Variants in TAFA5 observed in about 807,000 individuals in gnomAD.
TAFA5 encodes the protein chemokine-like protein TAFA-5.
Under a neutral mutation model 15.3 loss-of-function variants are expected in TAFA5, and 6 were observed. The observed-to-expected ratio is 0.39, with a 90% CI of 0.21 to 0.77. The LOEUF is 0.77. Ranked by LOEUF, TAFA5 falls within the 30% of genes least tolerant of loss-of-function variation. The pLI is 0.41. For synonymous variants in TAFA5, 103 were observed against 80.7 expected (o/e 1.28, Z -1.48); for missense variants, 161 against 193.1 (o/e 0.83, Z 0.98).
chr22:48,513,032 G>T lies in TAFA5; in HGVS notation c.112+23328G>T, dbSNP rs575362826. On this transcript the variant is annotated intron_variant, in intron 1 of 3. Coordinates refer to ENST00000402357, the MANE Select transcript of TAFA5 (RefSeq NM_001082967.3). ...TACCAAACCTAGACTGGTTTGTGGT[G>T]GGGGGAGTGTGCTGTACACGTGTGA... Among the ~76,000 whole-genome samples, 3 of 152,274 alleles carry T rather than the reference G, an allele frequency of 2.0e-5. No individual in the cohort carries two copies. In the South Asian group the frequency reaches 6.2e-4, roughly 32 times the overall value.
At chr22:48,587,625 C>T (rs1924408597) in intron 1 of TAFA5, among the ~76,000 whole-genome samples, 1 of 152,186 alleles carries the variant, frequency 6.6e-6, no homozygotes, top group South Asian at 2.1e-4. Flanking sequence ...GTCCCAGGGA[C>T]ACCTGGTCCT....
chr22:48,672,726 G>T (rs1172776502), intron 2 of TAFA5, among the ~76,000 whole-genome samples: 2 of 152,174 alleles, frequency 1.3e-5, no homozygotes, highest in African/African-American at 2.4e-5. Context: ...ATGACATCTA[G>T]GTATGTTGAC....
At chr22:48,680,125 C>T (rs1429086415) in intron 2 of TAFA5, among the ~76,000 whole-genome samples, 2 of 152,204 alleles carry the variant, frequency 1.3e-5, no homozygotes, top group Non-Finnish European at 1.5e-5. Context: ...CCATGGTCCC[C>T]CCACCCTGTG....
intron 1 of TAFA5, among the ~76,000 whole-genome samples, chr22:48,551,592 G>A (rs1334595611): frequency 6.6e-6 from 1 of 152,154 alleles, no homozygotes; most frequent in Non-Finnish European, 1.5e-5. Context: ...TCTAAATATA[G>A]ACCTGTTGGG....
intron 3 of TAFA5, among the ~76,000 whole-genome samples, chr22:48,743,859 C>T (rs968878206): frequency 5.9e-5 from 9 of 152,232 alleles, no homozygotes; most frequent in African/African-American, 9.6e-5. Context: ...ATGATCCGTC[C>T]GCACATTCCT....
At chr22:48,718,539 C>G (rs1213803937) in intron 3 of TAFA5, among the ~76,000 whole-genome samples, 20 of 152,098 alleles carry the variant, frequency 1.3e-4, no homozygotes, top group Non-Finnish European at 5.9e-5. Context: ...TGTCCGACCC[C>G]CATTAGGAGC....
At chr22:48,638,055 T>C (rs9617447) in intron 1 of TAFA5, among the ~76,000 whole-genome samples, 104,607 of 151,778 alleles carry the variant, frequency 0.69, 36,369 homozygotes, top group East Asian at 0.81. Flanking sequence ...CCACACACCT[T>C]GAGATTCTCA....
intron 1 of TAFA5, among the ~76,000 whole-genome samples, chr22:48,625,357 C>T (rs982855472): frequency 2.6e-5 from 4 of 152,192 alleles, no homozygotes; most frequent in Non-Finnish European, 5.9e-5. Context: ...ATCACCACCC[C>T]GTGGATTATT....
intron 1 of TAFA5, among the ~76,000 whole-genome samples, chr22:48,610,751 T>G (rs898845367): frequency 4.6e-5 from 7 of 152,130 alleles, no homozygotes; most frequent in Non-Finnish European, 1.0e-4. Context: ...GAATCTCCAT[T>G]AGCAAGGGCT....
intron 2 of TAFA5, among the ~76,000 whole-genome samples, chr22:48,686,890 TGATGGTTGAATGGATG>T (rs1201301479): frequency 1.6e-5 from 2 of 124,154 alleles, no homozygotes; most frequent in African/African-American, 6.3e-5. Flanking sequence ...ATGGATGGAT[TGATGGTTGAATGGATG>T]GATGGATGGA....
At chr22:48,643,949 A>G (rs1288623252) in intron 1 of TAFA5, among the ~76,000 whole-genome samples, 1 of 152,238 alleles carries the variant, frequency 6.6e-6, no homozygotes, top group Non-Finnish European at 1.5e-5. Flanking sequence ...CTCAGATCAC[A>G]GTGACTTTCC....
chr22:48,626,937 G>A (rs757659860), intron 1 of TAFA5, among the ~76,000 whole-genome samples: 7 of 152,162 alleles, frequency 4.6e-5, no homozygotes, highest in Non-Finnish European at 8.8e-5. Context: ...CCAGCCCCGT[G>A]CTGAGACCTC....
rs146825499 is a variant in TAFA5 at position 48,722,753 on chromosome 22, C to T, written c.390+14909C>T. ...AAGATCAACATGCAAGGTGGGTGCA[C>T]GCCACAGGGGCAGTCATGGCCGGGG... On this transcript the variant is annotated intron_variant, in intron 3 of 3. Coordinates refer to ENST00000402357, the MANE Select transcript of TAFA5 (RefSeq NM_001082967.3). Among the ~76,000 whole-genome samples, 6 of 152,262 alleles carry T rather than the reference C, an allele frequency of 3.9e-5. No individual in the cohort carries two copies. In the South Asian group the frequency reaches 6.2e-4, roughly 16 times the overall value.
intron 1 of TAFA5, among the ~76,000 whole-genome samples, chr22:48,570,865 T>C (rs1923558619): frequency 6.6e-6 from 1 of 152,272 alleles, no homozygotes; most frequent in Non-Finnish European, 1.5e-5. Flanking sequence ...GAAAGAGATA[T>C]ACCATTGTAA....
At chr22:48,640,393 C>T (rs1420660398) in intron 1 of TAFA5, among the ~76,000 whole-genome samples, 1 of 152,228 alleles carries the variant, frequency 6.6e-6, no homozygotes, top group East Asian at 1.9e-4. Flanking sequence ...GGAAGCTCCT[C>T]CAGCCTGTGC....
chr22:48,719,691 C>A (rs1435132309), intron 3 of TAFA5, among the ~76,000 whole-genome samples: 1 of 152,202 alleles, frequency 6.6e-6, no homozygotes, highest in East Asian at 1.9e-4. Flanking sequence ...CCTAACTAAT[C>A]TTTTTTCTGC....
intron 2 of TAFA5, among the ~76,000 whole-genome samples, chr22:48,676,380 C>T (rs1927971162): frequency 6.6e-6 from 1 of 152,150 alleles, no homozygotes; most frequent in Admixed American, 6.5e-5. Flanking sequence ...AGACATGCCT[C>T]TTAGGGTGTG....
intron 1 of TAFA5, chr22:48,544,639 C>A (rs1445965530): frequency 4.3e-6 from 2 of 463,872 alleles, no homozygotes; most frequent in Admixed American, 2.4e-5. Flanking sequence ...TTCCACCCCC[C>A]TTCTTAAGGC....
At chr22:48,748,979 G>A (rs951103918) in intron 3 of TAFA5, among the ~76,000 whole-genome samples, 1 of 152,214 alleles carries the variant, frequency 6.6e-6, no homozygotes, top group African/African-American at 2.4e-5. Context: ...TCTCAGGGCT[G>A]CCTGGGGCCC....
Sources: gnomAD v4.1 joint callset for allele counts (sites outside exome capture counted in the v4.1 genomes callset) on GRCh38, gnomAD v4.1.1 for gene constraint, MANE v1.5 for transcripts, NCBI Gene and HGNC (gene_info 2026-07-23, HGNC 2026-07-21) for gene names.